GALNTL6: variants seen among roughly 807,000 people sequenced by gnomAD.
The protein encoded by GALNTL6 is polypeptide N-acetylgalactosaminyltransferase-like 6.
A neutral mutation model predicts 73.7 loss-of-function variants in GALNTL6; 46 were observed. The observed-to-expected ratio is 0.62, with a 90% CI of 0.49 to 0.80. The LOEUF (loss-of-function observed/expected upper bound fraction) is 0.80, where lower values mean the gene tolerates loss of function less well. GALNTL6 is among the 30% of genes least tolerant of loss of function. The probability of loss-of-function intolerance (pLI) is 0.00; values close to 1 mark genes in which losing one functional copy is unlikely to be tolerated. For synonymous variants in GALNTL6, 259 were observed against 263.7 expected (o/e 0.98, Z 0.17); for missense variants, 604 against 755.0 (o/e 0.80, Z 2.34).
intron 2 of GALNTL6, among the ~76,000 whole-genome samples, chr4:172,067,488 A>ACAT (rs1430221066): frequency 7.0e-5 from 8 of 113,884 alleles, no homozygotes; most frequent in South Asian, 2.5e-4. Context: ...GTATATAGCC[A>ACAT]TCTACTTGGC....
chr4:172,888,135 G>C (rs1490665371), intron 8 of GALNTL6, among the ~76,000 whole-genome samples: 3 of 152,128 alleles, frequency 2.0e-5, no homozygotes, highest in Non-Finnish European at 4.4e-5. Flanking sequence ...CATTCTGTGG[G>C]TTGTTTGTGT....
chr4:172,850,387 G>A (rs1472214649), intron 7 of GALNTL6, among the ~76,000 whole-genome samples: 1 of 152,126 alleles, frequency 6.6e-6, no homozygotes, highest in Non-Finnish European at 1.5e-5. Flanking sequence ...GATTACACTT[G>A]ACAAAGGAGT....
At chr4:171,888,694 A>C (rs1303909093) in intron 2 of GALNTL6, among the ~76,000 whole-genome samples, 1 of 152,152 alleles carries the variant, frequency 6.6e-6, no homozygotes, top group East Asian at 1.9e-4. Flanking sequence ...GTCCTAAAGA[A>C]ATCCAGCCTT....
chr4:172,327,910 C>T lies in GALNTL6; in HGVS notation c.386+16158C>T. The stretch of plus-strand genomic sequence containing the variant: ...ATTCAAGGTTAATATTGATATGTGT[C>T]GATATGATTCTCATTTTTTGTTAGC... On this transcript the variant is annotated intron_variant, in intron 4 of 12. Coordinates refer to ENST00000506823, the MANE Select transcript of GALNTL6 (RefSeq NM_001034845.3). Among the ~76,000 whole-genome samples, 3 of 151,974 alleles carry T rather than the reference C, an allele frequency of 2.0e-5. 1 individual carries two copies. In the Middle Eastern group the frequency reaches 0.01, roughly 517 times the overall value.
At chr4:171,923,240 C>T (rs902662086) in intron 2 of GALNTL6, among the ~76,000 whole-genome samples, 6 of 152,048 alleles carry the variant, frequency 3.9e-5, no homozygotes, top group Non-Finnish European at 5.9e-5. Flanking sequence ...TTTTTCTTGA[C>T]TACTCGTTAG....
In GALNTL6 at chr4:172,513,137, G is replaced by A. The variant is rs541976766; in HGVS notation, c.553+164448G>A. On this transcript the variant is annotated intron_variant, in intron 5 of 12. Transcript: ENST00000506823. ...AAATCCCAGCCTTCTTGGTAGCTTT[G>A]TTCATATTTTTTTTAATTCTTCTTT... 5.9e-5 allele frequency among the ~76,000 whole-genome samples: 9 copies of A among 152,048 alleles called. No individual in the cohort carries two copies. In the South Asian group the frequency reaches 1.5e-3, roughly 25 times the overall value.
At chr4:172,353,964 C>T (rs1308166920) in intron 5 of GALNTL6, among the ~76,000 whole-genome samples, 5 of 151,978 alleles carry the variant, frequency 3.3e-5, no homozygotes, top group South Asian at 2.1e-4. Context: ...GGAAAGTTTC[C>T]ATAAGCAGAC....
intron 7 of GALNTL6, among the ~76,000 whole-genome samples, chr4:172,873,215 C>T (rs746620837): frequency 1.3e-5 from 2 of 152,146 alleles, no homozygotes. Context: ...CACCAGTGTC[C>T]CTGAGGGAGG....
chr4:171,979,353 C>A (rs1019882781), intron 2 of GALNTL6, among the ~76,000 whole-genome samples: 1 of 152,138 alleles, frequency 6.6e-6, no homozygotes, highest in African/African-American at 2.4e-5. Context: ...CATCCCCTGA[C>A]CCTTTCAAAA....
At chr4:172,445,236 C>A (rs336014) in intron 5 of GALNTL6, among the ~76,000 whole-genome samples, 131,831 of 152,140 alleles carry the variant, frequency 0.87, 57,154 homozygotes, top group South Asian at 0.89. Context: ...TTTATGATAA[C>A]GCTATGTCAT....
intron 5 of GALNTL6, among the ~76,000 whole-genome samples, chr4:172,470,421 A>C (rs763935570): frequency 6.6e-6 from 1 of 152,194 alleles, no homozygotes; most frequent in African/African-American, 2.4e-5. Context: ...CATAATGTGT[A>C]TTTTATACCA....
rs929096244 is a variant in GALNTL6 at position 172,921,456 on chromosome 4, C to A, written c.1042-9705C>A. On this transcript the variant is annotated intron_variant, in intron 8 of 12. Transcript: ENST00000506823. ...ATAGAAAATTGTTTTAAAAATAAGA[C>A]AAACATTTAATTATTCCATCAATTT... Among the ~76,000 whole-genome samples, 5 of 152,130 alleles carry A rather than the reference C, an allele frequency of 3.3e-5. No homozygotes were observed. In the South Asian group the frequency reaches 6.2e-4, roughly 19 times the overall value.
Position 172,902,053 on chromosome 4 carries a change from C to T in GALNTL6, c.1041+19146C>T, listed in dbSNP as rs551303552. 3.4e-4 allele frequency among the ~76,000 whole-genome samples: 52 copies of T among 152,294 alleles called. 1 individual carries two copies. The highest frequency in any genetic ancestry group is 8.9e-4 in the African/African-American group (37 of 41,564). ...AATCCTTCAACCAGCTTTTATTGAGCATCTAATGTATGCCAGGCATTGTTC... is the reference window on the plus strand; with the variant it reads ...AATCCTTCAACCAGCTTTTATTGAGTATCTAATGTATGCCAGGCATTGTTC... On this transcript the variant is annotated intron_variant, in intron 8 of 12. Transcript: ENST00000506823.
intron 3 of GALNTL6, among the ~76,000 whole-genome samples, chr4:172,283,204 A>G (rs938830515): frequency 6.6e-6 from 1 of 152,222 alleles, no homozygotes; most frequent in African/African-American, 2.4e-5. Flanking sequence ...ATTTGTCTCC[A>G]TTACTAATCA....
At chr4:171,988,337 C>A (rs138491916) in intron 2 of GALNTL6, among the ~76,000 whole-genome samples, 1 of 152,118 alleles carries the variant, frequency 6.6e-6, no homozygotes, top group Non-Finnish European at 1.5e-5. Flanking sequence ...TGCCAAGATA[C>A]GTAACAGATG....
At chr4:172,039,391 G>A (rs769846328) in intron 2 of GALNTL6, among the ~76,000 whole-genome samples, 6 of 152,156 alleles carry the variant, frequency 3.9e-5, no homozygotes, top group Non-Finnish European at 8.8e-5. Context: ...AGTATAATGA[G>A]AAAAATAACA....
intron 5 of GALNTL6, among the ~76,000 whole-genome samples, chr4:172,596,253 T>A (rs911121904): frequency 6.6e-6 from 1 of 151,714 alleles, no homozygotes; most frequent in Non-Finnish European, 1.5e-5. Flanking sequence ...CTCAGGAGTT[T>A]GAGACCAGCC....
intron 2 of GALNTL6, among the ~76,000 whole-genome samples, chr4:172,166,136 A>G (rs912988768): frequency 2.0e-5 from 3 of 152,210 alleles, no homozygotes; most frequent in Non-Finnish European, 2.9e-5. Context: ...GATTATGGTA[A>G]AAGGTGAAAA....
At chr4:172,549,736 A>C (rs538422796) in intron 5 of GALNTL6, among the ~76,000 whole-genome samples, 2 of 152,308 alleles carry the variant, frequency 1.3e-5, no homozygotes, top group East Asian at 3.9e-4. Context: ...ATTTTTAAGT[A>C]CAAAAGTATT....
Sources: allele counts gnomAD v4.1 joint callset (sites outside exome capture counted in the v4.1 genomes callset), GRCh38; gene constraint gnomAD v4.1.1; transcripts MANE v1.5; gene names NCBI Gene and HGNC (gene_info 2026-07-23, HGNC 2026-07-21).